Variants in LUZP2 observed in about 807,000 individuals in gnomAD.
LUZP2 encodes leucine zipper protein 2.
Under a neutral mutation model 51.6 loss-of-function variants are expected in LUZP2, and 52 were observed. That is an observed-to-expected ratio of 1.01 (90% CI 0.81 to 1.27). LUZP2 has a LOEUF of 1.27. LUZP2 is among the 50% of genes most tolerant of loss of function. The probability of loss-of-function intolerance (pLI) is 0.00; values close to 1 mark genes in which losing one functional copy is unlikely to be tolerated. For missense variants in LUZP2, 436 were observed against 395.4 expected (o/e 1.10, Z -0.87); for synonymous variants, 154 against 137.3 (o/e 1.12, Z -0.85).
intron 10 of LUZP2, among the ~76,000 whole-genome samples, chr11:25,072,365 C>T (rs1859183679): frequency 6.6e-6 from 1 of 151,948 alleles, no homozygotes; most frequent in Non-Finnish European, 1.5e-5. Context: ...GTGCCTGGCT[C>T]ATAATAGAAA....
At position 24,827,767 on chromosome 11, in the gene LUZP2, A is replaced by T. The variant is rs965414207; in HGVS notation, c.396+64459A>T. ...GGCTCTGCATTTATAAAAACATTCC[A>T]GTGGTTCTTAACCATATTAATGTTT... On this transcript the variant is annotated intron_variant, in intron 5 of 11. Coordinates refer to ENST00000336930, the MANE Select transcript of LUZP2 (RefSeq NM_001009909.4). Among the ~76,000 whole-genome samples, 4 of 152,116 alleles carry T rather than the reference A, an allele frequency of 2.6e-5. No homozygotes were observed. In the East Asian group the frequency reaches 7.7e-4, roughly 29 times the overall value.
chr11:24,527,364 T>C (rs1191310713), intron 1 of LUZP2, among the ~76,000 whole-genome samples: 2 of 147,484 alleles, frequency 1.4e-5, no homozygotes, highest in Non-Finnish European at 3.0e-5. Flanking sequence ...TTGTTTGTTA[T>C]GGATAGTTCA....
intron 1 of LUZP2, among the ~76,000 whole-genome samples, chr11:24,658,392 A>C (rs917296237): frequency 5.3e-5 from 8 of 152,230 alleles, no homozygotes; most frequent in Non-Finnish European, 1.2e-4. Flanking sequence ...CTGAAACTGG[A>C]TCCCTTCCTA....
intron 1 of LUZP2, among the ~76,000 whole-genome samples, chr11:24,640,359 G>A (rs1008927145): frequency 6.6e-6 from 1 of 151,812 alleles, no homozygotes; most frequent in Non-Finnish European, 1.5e-5. Flanking sequence ...CAATCAGATG[G>A]CTAATTGTGG....
chr11:24,659,486 C>T (rs183914033), intron 1 of LUZP2, among the ~76,000 whole-genome samples: 1 of 151,752 alleles, frequency 6.6e-6, no homozygotes, highest in East Asian at 1.9e-4. Flanking sequence ...CGAGTTAATG[C>T]GTGCAGCACA....
chr11:24,680,608 T>C (rs1856701811), intron 1 of LUZP2, among the ~76,000 whole-genome samples: 1 of 152,212 alleles, frequency 6.6e-6, no homozygotes, highest in African/African-American at 2.4e-5. Flanking sequence ...GTTAGATTTC[T>C]TCATTGTGAT....
chr11:24,927,564 T>C (rs1033751895), intron 7 of LUZP2, among the ~76,000 whole-genome samples: 2 of 152,146 alleles, frequency 1.3e-5, no homozygotes, highest in African/African-American at 2.4e-5. Flanking sequence ...TTTGGCTTTA[T>C]TTCTTAGTTT....
chr11:24,522,644 A>C (rs921538739), intron 1 of LUZP2, among the ~76,000 whole-genome samples: 1 of 152,018 alleles, frequency 6.6e-6, no homozygotes, highest in Non-Finnish European at 1.5e-5. Flanking sequence ...TGACCTTTAA[A>C]TCTTATTGCC....
intron 9 of LUZP2, among the ~76,000 whole-genome samples, chr11:25,040,908 C>G (rs529337963): frequency 2.0e-5 from 3 of 152,194 alleles, no homozygotes; most frequent in African/African-American, 7.2e-5. Context: ...CATGTGTGGA[C>G]TTTGGAAGAA....
intron 1 of LUZP2, among the ~76,000 whole-genome samples, chr11:24,516,207 AAT>A (rs756214717): frequency 2.6e-5 from 4 of 152,212 alleles, no homozygotes; most frequent in Non-Finnish European, 4.4e-5. Context: ...ACACTTGATT[AAT>A]ATATGTTACT....
At chr11:25,031,012 TA>T (rs1213182742) in intron 9 of LUZP2, among the ~76,000 whole-genome samples, 777 of 5,664 alleles carry the variant, frequency 0.14, 81 homozygotes, top group African/African-American at 0.22. Flanking sequence ...TATATATATA[TA>T]TATTTTTTTT....
intron 1 of LUZP2, among the ~76,000 whole-genome samples, chr11:24,604,239 T>A (rs1337301797): frequency 1.3e-5 from 2 of 151,838 alleles, no homozygotes; most frequent in Non-Finnish European, 3.0e-5. Context: ...TTGATTCATA[T>A]TTTTATCCTT....
At chr11:24,971,718 C>A (rs1565175808) in intron 7 of LUZP2, among the ~76,000 whole-genome samples, 4 of 152,080 alleles carry the variant, frequency 2.6e-5, no homozygotes, top group Non-Finnish European at 5.9e-5. Flanking sequence ...AAACTGGAAT[C>A]AAAGTATTAC....
chr11:24,906,836 T>A (rs781262290), intron 6 of LUZP2, among the ~76,000 whole-genome samples: 2 of 152,142 alleles, frequency 1.3e-5, no homozygotes, highest in Non-Finnish European at 2.9e-5. Context: ...ATGAGTGGCT[T>A]CATATCATGA....
At chr11:24,749,063 C>T (rs75454189) in intron 4 of LUZP2, among the ~76,000 whole-genome samples, 32 of 152,106 alleles carry the variant, frequency 2.1e-4, no homozygotes, top group African/African-American at 7.2e-4. Flanking sequence ...CCTTTCTTGA[C>T]GTTAACAAAT....
intron 9 of LUZP2, among the ~76,000 whole-genome samples, chr11:25,011,899 T>C (rs1856994946): frequency 6.6e-6 from 1 of 151,712 alleles, no homozygotes; most frequent in Non-Finnish European, 1.5e-5. Flanking sequence ...AAATTTAATA[T>C]ATATATTTTA....
chr11:24,858,057 C>T (rs1590649040), intron 5 of LUZP2, among the ~76,000 whole-genome samples: 1 of 152,008 alleles, frequency 6.6e-6, no homozygotes, highest in African/African-American at 2.4e-5. Flanking sequence ...ATCACACTTA[C>T]TAGGGTGTCT....
At chr11:24,834,749 A>G (rs1850808594) in intron 5 of LUZP2, among the ~76,000 whole-genome samples, 1 of 152,172 alleles carries the variant, frequency 6.6e-6, no homozygotes, top group African/African-American at 2.4e-5. Context: ...CAGCCTTGCC[A>G]GCATCTATTG....
intron 5 of LUZP2, among the ~76,000 whole-genome samples, chr11:24,819,984 A>G (rs1403797010): frequency 2.0e-5 from 3 of 152,254 alleles, no homozygotes; most frequent in East Asian, 1.9e-4. Context: ...GAGGAAAGCT[A>G]TATGAAGGAG....
Sources: gnomAD v4.1 joint callset for allele counts (sites outside exome capture counted in the v4.1 genomes callset) on GRCh38, gnomAD v4.1.1 for gene constraint, MANE v1.5 for transcripts, NCBI Gene and HGNC (gene_info 2026-07-23, HGNC 2026-07-21) for gene names.